CCDC77: variants seen among roughly 807,000 people sequenced by gnomAD.
CCDC77 encodes the protein coiled-coil domain containing 77, also known as coiled-coil domain-containing protein 77.
CCDC77 carries 56 observed loss-of-function variants against 66.8 expected under a neutral mutation model. The observed-to-expected ratio is 0.84, with a 90% confidence interval of 0.68 to 1.05. The LOEUF (loss-of-function observed/expected upper bound fraction) is 1.05, where lower values mean the gene tolerates loss of function less well. Ranked by LOEUF, CCDC77 falls within the 50% of genes least tolerant of loss-of-function variation. The probability of loss-of-function intolerance (pLI) is 0.00; values close to 1 mark genes in which losing one functional copy is unlikely to be tolerated. For missense variants in CCDC77, 570 were observed against 576.8 expected (o/e 0.99, Z 0.12); for synonymous variants, 196 against 195.2 (o/e 1.00, Z -0.03).
At position 416,377 on chromosome 12, in the gene CCDC77, G is replaced by GTA. The variant is rs1167006549; in HGVS notation, c.271-2079_271-2078dup. Among the ~76,000 whole-genome samples the GTA allele has an allele frequency of 4.3e-3, 88 of 20,578 alleles. 6 individuals are homozygous for GTA. The highest frequency in any genetic ancestry group is 6.7e-3 in the Non-Finnish European group (69 of 10,286). The allele number at this position is 20,578 out of a possible 152,430, so 13.5% of individuals were successfully genotyped here. ...TGTGTGTGTGTGTGTGTGTGTGTGT[G>GTA]TATATATATATATATATATATATAT... On this transcript the variant is annotated intron_variant, in intron 4 of 12. Coordinates refer to ENST00000239830, the MANE Select transcript of CCDC77 (RefSeq NM_032358.4).
chr12:411,817 C>G lies in CCDC77; in HGVS notation c.109C>G (p.Leu37Val), dbSNP rs1168116971. 1.2e-6 allele frequency: 2 copies of G among 1,614,156 alleles called. No homozygotes were observed. The highest frequency in any genetic ancestry group is 1.7e-5 in the Admixed American group (1 of 60,000). ...PTKRRGMADS[L>V]ESTPLPSPED... ...CAAGAGGAGGGGAATGGCAGATTCA[C>G]TGGAGTCAACCCCCTTGCCTTCCCC... The change falls in exon 4 of 13, where the codon CTG (leucine) becomes GTG (valine). Residue 37 changes from leucine (L) to valine (V), a missense_variant. Coordinates refer to ENST00000239830, the MANE Select transcript of CCDC77 (RefSeq NM_032358.4).
intron 4 of CCDC77, among the ~76,000 whole-genome samples, chr12:417,013 C>T (rs1945299440): frequency 6.6e-6 from 1 of 151,966 alleles, no homozygotes; most frequent in African/African-American, 2.4e-5. Flanking sequence ...GTGGCACATA[C>T]CTGTAGTCCC....
intron 4 of CCDC77, among the ~76,000 whole-genome samples, chr12:414,333 G>A (rs1344344957): frequency 1.3e-5 from 2 of 149,420 alleles, no homozygotes; most frequent in African/African-American, 5.1e-5. Context: ...CTTGTGATCC[G>A]CTTGCCTTGG....
intron 5 of CCDC77, chr12:418,959 G>T (rs747126288): frequency 2.0e-5 from 5 of 246,130 alleles, no homozygotes; most frequent in Non-Finnish European, 4.0e-5. Flanking sequence ...TCAGCCTCCC[G>T]AAGTGTTGGG....
chr12:430,805 G>GC (rs1945635027), intron 7 of CCDC77, 69 bp downstream of exon 7: 3 of 1,288,692 alleles, frequency 2.3e-6, no homozygotes, highest in Non-Finnish European at 3.4e-6. Context: ...CAGGCTGGGC[G>GC]CGGTGGCTCA....
At chr12:423,841 G>A (rs1173029648) in intron 5 of CCDC77, among the ~76,000 whole-genome samples, 1 of 152,044 alleles carries the variant, frequency 6.6e-6, no homozygotes, top group Admixed American at 6.6e-5. Context: ...TGGGTGTGAG[G>A]GAGTCTCATT....
At chr12:401,925 G>A (rs998383924) in intron 1 of CCDC77, among the ~76,000 whole-genome samples, 12 of 152,122 alleles carry the variant, frequency 7.9e-5, no homozygotes, top group Non-Finnish European at 1.8e-4. Context: ...GGGATGAAGT[G>A]GGAAAAGGAG....
intron 5 of CCDC77, among the ~76,000 whole-genome samples, chr12:419,179 G>C (rs1945345042): frequency 6.6e-6 from 1 of 152,176 alleles, no homozygotes; most frequent in African/African-American, 2.4e-5. Context: ...TGTGGTAACA[G>C]AAGCCTTAAC....
exon 1 of CCDC77, chr12:389,459 T>A (rs1223046147): frequency 7.1e-6 from 3 of 423,486 alleles, no homozygotes; most frequent in African/African-American, 6.1e-5. Flanking sequence ...TTCTGCCCAG[T>A]CCAACGACTC....
intron 5 of CCDC77, among the ~76,000 whole-genome samples, chr12:426,085 G>A (rs1238920028): frequency 1.3e-5 from 2 of 152,108 alleles, no homozygotes; most frequent in Non-Finnish European, 2.9e-5. Flanking sequence ...GGCTGGTCTC[G>A]AACTCCCGAC....
rs79800965 is a variant in CCDC77, at chr12:407,353, G to A, written c.-17+1789G>A. On this transcript the variant is annotated intron_variant, in intron 2 of 12. Coordinates refer to ENST00000239830, the MANE Select transcript of CCDC77 (RefSeq NM_032358.4). ...TGGCAGCATAGAATTAGTATTTATT[G>A]GAATGTAGAATTCTGAGAGAAGAGC... is the stretch of plus-strand genomic sequence containing the variant. Among the ~76,000 whole-genome samples, 165 of 152,278 alleles carry A rather than the reference G, an allele frequency of 1.1e-3. No individual in the cohort carries two copies. The East Asian group carries it at 0.028, about 26-fold the overall frequency.
intron 9 of CCDC77, chr12:436,910 T>TA: frequency 4.5e-6 from 1 of 224,708 alleles, no homozygotes; most frequent in Admixed American, 6.5e-5. Context: ...TAAGACAGAA[T>TA]AAAATAACTC....
chr12:429,756 C>A lies in CCDC77; in HGVS notation c.510+891C>A, dbSNP rs368590216. Among the ~76,000 whole-genome samples, 5 of 151,106 alleles carry A rather than the reference C, an allele frequency of 3.3e-5. No individual in the cohort carries two copies. The East Asian group carries it at 7.9e-4, about 24-fold the overall frequency. ...TTACAGGCATGAGCCACCACACCCA[C>A]CAAAGAGCTGCTTTTAAAAAAACAA... On this transcript the variant is annotated intron_variant, in intron 6 of 12. Coordinates refer to ENST00000239830, the MANE Select transcript of CCDC77 (RefSeq NM_032358.4).
rs1945139819 is a variant in CCDC77 at position 412,852 on chromosome 12, CCT to C, written c.270+880_270+881del. 2.6e-5 allele frequency among the ~76,000 whole-genome samples: 4 copies of C among 152,314 alleles called. 1 individual carries two copies. The South Asian group carries it at 8.3e-4, about 32-fold the overall frequency. On this transcript the variant is annotated intron_variant, in intron 4 of 12. Coordinates refer to ENST00000239830, the MANE Select transcript of CCDC77 (RefSeq NM_032358.4). Reference sequence around the variant, plus strand: ...TAGCCTGCAACCCCTTCTTAGCCCTCCTCTCTCAACATCTTTTCTGCCATCTG... The same window carrying C: ...TAGCCTGCAACCCCTTCTTAGCCCTCCTCTCAACATCTTTTCTGCCATCTG...
chr12:402,275 A>G (rs1276175906), intron 1 of CCDC77, among the ~76,000 whole-genome samples: 2 of 152,146 alleles, frequency 1.3e-5, no homozygotes, highest in African/African-American at 4.8e-5. Flanking sequence ...GTCTGTAGGG[A>G]GCGCACGCTA....
intron 6 of CCDC77, 44 bp from the exon 7 acceptor site, chr12:430,620 C>T (rs542907142): frequency 5.2e-5 from 73 of 1,398,454 alleles, no homozygotes; most frequent in Non-Finnish European, 6.7e-5. Context: ...TAAAATATTA[C>T]GTTTATAGGA....
At chr12:405,861 C>A (rs1944980486) in intron 2 of CCDC77, among the ~76,000 whole-genome samples, 1 of 151,528 alleles carries the variant, frequency 6.6e-6, no homozygotes, top group Admixed American at 6.6e-5. Context: ...AGTGAGTTTG[C>A]ATATTCCAGT....
Position 418,495 on chromosome 12 carries a change from A to C in CCDC77, c.272A>C (p.His91Pro), listed in dbSNP as rs763174520. 7 of 1,613,896 alleles carry C rather than the reference A, an allele frequency of 4.3e-6. No homozygotes were observed. The highest frequency in any genetic ancestry group is 4.2e-6 in the Non-Finnish European group (5 of 1,179,970). ...ELYKEACEGQ[H>P]KLECDLQQRE... ...TATCTTATTGTGGTTTTTTTGCAGCATAAACTTGAATGTGATTTGCAGCAG... is the reference window on the plus strand; with the variant it reads ...TATCTTATTGTGGTTTTTTTGCAGCCTAAACTTGAATGTGATTTGCAGCAG... Residue 91 changes from histidine to proline, a missense_variant and splice_region_variant, in exon 5 of 13, where the codon CAT becomes CCT. His to Pro is a moderately conservative substitution (Grantham distance 77). Coordinates refer to ENST00000239830, the MANE Select transcript of CCDC77 (RefSeq NM_032358.4).
intron 4 of CCDC77, among the ~76,000 whole-genome samples, chr12:415,334 T>TTATGTTAATATAATTAACATAA (rs1565567939): frequency 7.3e-6 from 1 of 136,096 alleles, no homozygotes; most frequent in Non-Finnish European, 1.6e-5. Flanking sequence ...CAACATAATA[T>TTATGTTAATATAATTAACATAA]TATGTTAATA....
Sources: allele counts gnomAD v4.1 joint callset (sites outside exome capture counted in the v4.1 genomes callset), GRCh38; gene constraint gnomAD v4.1.1; transcripts MANE v1.5; gene names NCBI Gene and HGNC (gene_info 2026-07-23, HGNC 2026-07-21).